GREB1: variants seen among roughly 807,000 people sequenced by gnomAD.
GREB1 encodes protein GREB1.
GREB1 carries 106 observed loss-of-function variants against 200.7 expected under a neutral mutation model. The observed-to-expected ratio is 0.53, with a 90% CI of 0.45 to 0.62. The LOEUF is 0.62. GREB1 is among the 20% of genes least tolerant of loss of function. The pLI is 0.00. For synonymous variants in GREB1, 1,132 were observed against 1,092.4 expected (o/e 1.04, Z -0.72); for missense variants, 2,243 against 2,556.8 (o/e 0.88, Z 2.65).
At chr2:11,559,305 G>A (rs1249639809) in intron 2 of GREB1, among the ~76,000 whole-genome samples, 3 of 152,128 alleles carry the variant, frequency 2.0e-5, no homozygotes, top group South Asian at 2.1e-4. Context: ...GTCTGCTCCC[G>A]GGCAGGAATG....
chr2:11,488,426 T>C (rs1672705233), intron 1 of GREB1, among the ~76,000 whole-genome samples: 1 of 152,212 alleles, frequency 6.6e-6, no homozygotes, highest in Admixed American at 6.5e-5. Context: ...AGAATGATAC[T>C]GGCTGTGGAA....
intron 4 of GREB1, among the ~76,000 whole-genome samples, chr2:11,568,583 C>T (rs547546999): frequency 5.2e-5 from 8 of 152,382 alleles, no homozygotes; most frequent in East Asian, 1.9e-4. Context: ...AAAGTGAGTA[C>T]GCGAGGCCAT....
At chr2:11,637,629 G>T in intron 30 of GREB1, 87 bp from the exon 31 acceptor site, 1 of 1,192,138 alleles carries the variant, frequency 8.4e-7, no homozygotes. Flanking sequence ...AAGCTCCCAT[G>T]CTTGGGCCAC....
intron 1 of GREB1, among the ~76,000 whole-genome samples, chr2:11,514,771 T>C (rs1015138043): frequency 1.3e-5 from 2 of 152,238 alleles, no homozygotes; most frequent in Non-Finnish European, 2.9e-5. Flanking sequence ...GCATTTATCA[T>C]GTATTGGCTT....
intron 23 of GREB1, among the ~76,000 whole-genome samples, chr2:11,623,078 G>A (rs181562710): frequency 4.6e-5 from 7 of 152,302 alleles, no homozygotes; most frequent in Non-Finnish European, 4.4e-5. Flanking sequence ...TTAGTCGTGC[G>A]CCACATAATG....
At chr2:11,585,382 G>A in intron 8 of GREB1, 108 bp downstream of exon 8, 1 of 672,632 alleles carries the variant, frequency 1.5e-6, no homozygotes, top group South Asian at 2.1e-5. Context: ...GTGTGAATGT[G>A]CGTGTGTACT....
At chr2:11,488,713 T>A (rs1672712402) in intron 1 of GREB1, among the ~76,000 whole-genome samples, 1 of 148,890 alleles carries the variant, frequency 6.7e-6, no homozygotes, top group Non-Finnish European at 1.5e-5. Flanking sequence ...GTGGCTTGAA[T>A]TTGGGACGTG....
chr2:11,584,499 T>C (rs971308220), intron 7 of GREB1, among the ~76,000 whole-genome samples: 14 of 152,142 alleles, frequency 9.2e-5, no homozygotes, highest in African/African-American at 3.4e-4. Context: ...CACAAACATA[T>C]TTCTCTCTTC....
Position 11,618,451 on chromosome 2 carries a change from C to G in GREB1, c.3576C>G (p.His1192Gln). The G allele has an allele frequency of 6.2e-7, 1 of 1,605,284 alleles. No individual in the cohort carries two copies. The change falls in exon 22 of 33, where the codon CAC becomes CAG. Residue 1192 changes from histidine (H) to glutamine (Q), a missense_variant. Physicochemically the swap from His to Gln is conservative, Grantham distance 24. Coordinates refer to ENST00000381486, the MANE Select transcript of GREB1 (RefSeq NM_014668.4). ...GGCCACCCTCGGCCATCAGCAGGCACAGTCCCGGGCCGACGCCCCAGCCCG... is the reference window on the plus strand; with the variant it reads ...GGCCACCCTCGGCCATCAGCAGGCAGAGTCCCGGGCCGACGCCCCAGCCCG... ...SQGPPSAISR[H>Q]SPGPTPQPDC...
In GREB1 at chr2:11,602,429, T is replaced by G; in HGVS notation, c.2553T>G (p.Asn851Lys). The G allele has an allele frequency of 6.2e-7, 1 of 1,613,522 alleles. No individual in the cohort carries two copies. Among genetic ancestry groups the G allele is most frequent in the Non-Finnish European group, 8.5e-7 (1 of 1,179,432 alleles). The change falls in exon 17 of 33, where the codon AAT becomes AAG. Residue 851 changes from asparagine to lysine, a missense_variant. By Grantham distance (94) the Asn-to-Lys change is moderately conservative. Coordinates refer to ENST00000381486, the MANE Select transcript of GREB1 (RefSeq NM_014668.4). ...CSNGVDLYHENKKYFGLSEFI... is the reference protein window; with the variant it reads ...CSNGVDLYHEKKKYFGLSEFI... ...AGGGAGTGGACTTATATCATGAAAA[T>G]AAGAAGTACTTCGGGCTGTCGGAGT... is the stretch of plus-strand genomic sequence containing the variant.
At chr2:11,600,741 C>T (rs1681708991) in intron 15 of GREB1, 59 bp from the exon 16 acceptor site, 4 of 1,409,244 alleles carry the variant, frequency 2.8e-6, no homozygotes, top group Admixed American at 1.7e-5. Context: ...AACTGCTTCA[C>T]CTTGCAAAAT....
At chr2:11,512,740 G>T (rs1411060108) in intron 1 of GREB1, among the ~76,000 whole-genome samples, 1 of 152,216 alleles carries the variant, frequency 6.6e-6, no homozygotes, top group Non-Finnish European at 1.5e-5. Flanking sequence ...GTCTCACACG[G>T]CTGTTGGAAG....
chr2:11,640,728 G>T lies in GREB1; in HGVS notation c.*274G>T, dbSNP rs1009067993. On this transcript the variant is annotated 3_prime_UTR_variant, in exon 33 of 33. Transcript: ENST00000381486. The surrounding 1 kb of genome is among the most constrained non-coding windows in gnomAD (Gnocchi z 4.6). ...TAAAGCCCATTTCACGAGGAACAAAGATTTACTTCCTGTCCTGCCATTCGT... is the reference window on the plus strand; with the variant it reads ...TAAAGCCCATTTCACGAGGAACAAATATTTACTTCCTGTCCTGCCATTCGT... 2.4e-6 allele frequency: 1 copy of T among 413,240 alleles called. No individual in the cohort carries two copies. Among genetic ancestry groups the T allele is most frequent in the Non-Finnish European group, 4.3e-6 (1 of 233,988 alleles). 25.6% of individuals were successfully genotyped at this position (413,240 alleles called of 1,614,324 possible). A position where few individuals can be genotyped will look rare whatever the true frequency, so the allele number is the denominator to read the frequency against.
At chr2:11,608,440 G>T (rs150216256) in intron 17 of GREB1, among the ~76,000 whole-genome samples, 3 of 152,062 alleles carry the variant, frequency 2.0e-5, no homozygotes, top group African/African-American at 7.3e-5. Context: ...TTACATGTCT[G>T]GTAATTTTTG....
At chr2:11,611,471 C>G (rs1682920516) in intron 18 of GREB1, among the ~76,000 whole-genome samples, 1 of 152,170 alleles carries the variant, frequency 6.6e-6, no homozygotes, top group African/African-American at 2.4e-5. Context: ...TGCCACCACA[C>G]TCGGCTAATT....
At chr2:11,572,725 G>A (rs1364743735) in intron 4 of GREB1, among the ~76,000 whole-genome samples, 2 of 151,730 alleles carry the variant, frequency 1.3e-5, no homozygotes, top group Non-Finnish European at 1.5e-5. Flanking sequence ...TGCTTGCAGA[G>A]TGCCCCTGAC....
intron 23 of GREB1, among the ~76,000 whole-genome samples, chr2:11,624,884 T>A (rs1684313223): frequency 6.6e-6 from 1 of 152,090 alleles, no homozygotes; most frequent in African/African-American, 2.4e-5. Context: ...CCCAAGACAA[T>A]TCTTCCAATG....
At chr2:11,495,712 GAC>G (rs1306230528) in intron 1 of GREB1, among the ~76,000 whole-genome samples, 1 of 152,046 alleles carries the variant, frequency 6.6e-6, no homozygotes, top group East Asian at 1.9e-4. Context: ...CAAGAGTTTG[GAC>G]ACACACAGTT....
chr2:11,602,577 C>A (rs756410264), intron 17 of GREB1, 35 bp downstream of exon 17: 3 of 1,595,414 alleles, frequency 1.9e-6, no homozygotes, highest in Non-Finnish European at 1.7e-6. Context: ...TAGAAGTGCT[C>A]AGTAGCTTAA....
Sources: gnomAD v4.1 joint callset for allele counts (sites outside exome capture counted in the v4.1 genomes callset) on GRCh38, gnomAD v4.1.1 for gene constraint, Gnocchi (gnomAD v3.1) non-coding constraint, MANE v1.5 for transcripts, NCBI Gene and HGNC (gene_info 2026-07-23, HGNC 2026-07-21) for gene names.